Variants in ADA observed in about 807,000 individuals in gnomAD.
The protein encoded by ADA is adenosine aminohydrolase.
ADA carries 45 observed loss-of-function variants against 49.0 expected under a neutral mutation model. That is an observed-to-expected ratio of 0.92 (90% CI 0.72 to 1.18). The LOEUF (loss-of-function observed/expected upper bound fraction) is 1.18, where lower values mean the gene tolerates loss of function less well. Ranked by LOEUF, ADA falls within the 50% of genes most tolerant of loss-of-function variation. ADA has a pLI of 0.00. For missense variants in ADA, 445 were observed against 472.5 expected (o/e 0.94, Z 0.54); for synonymous variants, 173 against 184.2 (o/e 0.94, Z 0.49).
At chr20:44,647,705 A>G (rs1378171774) in intron 1 of ADA, among the ~76,000 whole-genome samples, 1 of 151,880 alleles carries the variant, frequency 6.6e-6, no homozygotes, top group Non-Finnish European at 1.5e-5. Flanking sequence ...ATCACCTGAG[A>G]TCAGGAGTTC....
chr20:44,646,203 T>C (rs2065590329), intron 1 of ADA, among the ~76,000 whole-genome samples: 1 of 152,202 alleles, frequency 6.6e-6, no homozygotes, highest in Non-Finnish European at 1.5e-5. Flanking sequence ...GGAAGCTGCC[T>C]GGCCTCCCCT....
rs748611869 is a variant in ADA, at chr20:44,629,157, G to A, written c.108C>T (p.Ile36=). ...CCTCTGCTGTGTTAGCTGGGAGGGC[G>A]ATCCCTCTCCTCCTGGAAACAAAAC... is the stretch of plus-strand genomic sequence containing the variant. ...TILYYGRRRG[I]ALPANTAEGL... Residue 36 remains isoleucine, a synonymous_variant, in exon 3 of 12, where the codon ATC becomes ATT. Transcript: ENST00000372874. 1.9e-6 allele frequency: 3 copies of A among 1,614,060 alleles called. No homozygotes were observed. The highest frequency in any genetic ancestry group is 2.2e-5 in the East Asian group (1 of 44,880).
rs1170608999 is a variant in ADA at position 44,620,302 on chromosome 20, C to T, written c.1075G>A (p.Ala359Thr). ...AGAAGCCCAGACAGGAACCTACCTGCAGAGGCTGAAGGTGGCATCCCATAG... is the reference window on the plus strand; with the variant it reads ...AGAAGCCCAGACAGGAACCTACCTGTAGAGGCTGAAGGTGGCATCCCATAG... ...KAYGMPPSAS[A>T]GQNL The change falls in exon 11 of 12, where the codon GCA (alanine) becomes ACA (threonine). Residue 359 changes from alanine (A) to threonine (T), a missense_variant. Coordinates refer to ENST00000372874, the MANE Select transcript of ADA (RefSeq NM_000022.4). 4.3e-6 allele frequency: 7 copies of T among 1,613,966 alleles called. No homozygotes were observed. Among genetic ancestry groups the T allele is most frequent in the South Asian group, 1.1e-5 (1 of 91,084 alleles).
Position 44,651,646 on chromosome 20 carries a change from C to CGCT in ADA, c.-42_-40dup. 1 of 1,499,592 alleles carries CGCT rather than the reference C, an allele frequency of 6.7e-7. No homozygotes were observed. The highest frequency in any genetic ancestry group is 2.3e-4 in the Middle Eastern group (1 of 4,284). 92.9% of individuals were successfully genotyped at this position (1,499,592 alleles called of 1,614,324 possible). A position where few individuals can be genotyped will look rare whatever the true frequency, so the allele number is the denominator to read the frequency against. On this transcript the variant is annotated 5_prime_UTR_variant, in exon 1 of 12. Coordinates refer to ENST00000372874, the MANE Select transcript of ADA (RefSeq NM_000022.4). ...GCCCCGGCGCTGCTCCCTCCGCCGCCGCTCGGTGGGTCTCTGCCGGCTCGG... is the reference window on the plus strand; with the variant it reads ...GCCCCGGCGCTGCTCCCTCCGCCGCCGCTGCTCGGTGGGTCTCTGCCGGCTCGG...
rs1313508972 is a variant in ADA at position 44,620,314 on chromosome 20, G to T, written c.1063C>A (p.Pro355Thr). ...DLLYKAYGMP[P>T]SASAGQNL is the part of the protein sequence containing the mutation. ...AGGAACCTACCTGCAGAGGCTGAAG[G>T]TGGCATCCCATAGGCTTTATAGAGC... is the stretch of plus-strand genomic sequence containing the variant. The change falls in exon 11 of 12, where the codon CCT becomes ACT. Residue 355 changes from proline to threonine, a missense_variant. By Grantham distance (38) the Pro-to-Thr change is conservative. Coordinates refer to ENST00000372874, the MANE Select transcript of ADA (RefSeq NM_000022.4). 1.2e-6 allele frequency: 2 copies of T among 1,614,034 alleles called. No homozygotes were observed. Among genetic ancestry groups the T allele is most frequent in the Non-Finnish European group, 8.5e-7 (1 of 1,180,014 alleles).
chr20:44,630,094 C>A (rs186532179), intron 2 of ADA, among the ~76,000 whole-genome samples: 89 of 151,948 alleles, frequency 5.9e-4, no homozygotes, highest in African/African-American at 2.0e-3. Flanking sequence ...GTAATCCCAG[C>A]ACTTTGGCCT....
At chr20:44,650,240 G>A (rs544781825) in intron 1 of ADA, among the ~76,000 whole-genome samples, 159 of 152,298 alleles carry the variant, frequency 1.0e-3, no homozygotes, top group Non-Finnish European at 1.7e-3. Flanking sequence ...AGCTTCTGAC[G>A]GGGAGTAGCT....
rs565850713 is a variant in ADA, at chr20:44,621,170, G to A, written c.846-23C>T. On this transcript the variant is annotated intron_variant, in intron 9 of 11. Transcript: ENST00000372874. The stretch of plus-strand genomic sequence containing the variant: ...AGCCTGCAGAAGAGGGAGGAGGAGA[G>A]AATCAGCCTCCTTTTACTCTTACAT... The A allele has an allele frequency of 1.1e-5, 17 of 1,611,550 alleles. No homozygotes were observed. The African/African-American group carries it at 2.0e-4, about 19-fold the overall frequency.
rs1474849197 is a variant in ADA at position 44,636,366 on chromosome 20, G to A, written c.34-78C>T. 5 of 1,229,260 alleles carry A rather than the reference G, an allele frequency of 4.1e-6. No individual in the cohort carries two copies. The East Asian group carries it at 1.0e-4, about 25-fold the overall frequency. 76.1% of individuals were successfully genotyped at this position (1,229,260 alleles called of 1,614,324 possible). A position where few individuals can be genotyped will look rare whatever the true frequency, so the allele number is the denominator to read the frequency against. On this transcript the variant is annotated intron_variant, in intron 1 of 11. Transcript: ENST00000372874. The stretch of plus-strand genomic sequence containing the variant: ...CTATGAGTTCACGAAGGACCTTTCA[G>A]AGCTTAATGTTAACATTAATCATGA...
At position 44,623,113 on chromosome 20, in the gene ADA, G is replaced by C. The variant is rs1245785816; in HGVS notation, c.607-35C>G. 1.9e-6 allele frequency: 3 copies of C among 1,612,906 alleles called. No homozygotes were observed. In the African/African-American group the frequency reaches 4.0e-5, roughly 22 times the overall value. On this transcript the variant is annotated intron_variant, in intron 6 of 11. Coordinates refer to ENST00000372874, the MANE Select transcript of ADA (RefSeq NM_000022.4). ...GGAGAGCCAGGTCATGGGTGCCCTA[G>C]CGGGAGGGCCCCGGCAGGCCCTGCC...
chr20:44,634,557 A>G (rs2299694), intron 2 of ADA, among the ~76,000 whole-genome samples: 12,583 of 152,270 alleles, frequency 0.083, 765 homozygotes, highest in East Asian at 0.3. Flanking sequence ...TAGAGTTCCT[A>G]TCTTACAAAT....
intron 4 of ADA, among the ~76,000 whole-genome samples, chr20:44,625,960 G>C (rs1329730696): frequency 6.6e-6 from 1 of 152,212 alleles, no homozygotes; most frequent in Non-Finnish European, 1.5e-5. Flanking sequence ...CTAAGCTTGG[G>C]CCTGCCATGA....
chr20:44,627,330 T>C (rs1364353429), intron 3 of ADA, among the ~76,000 whole-genome samples: 1 of 152,040 alleles, frequency 6.6e-6, no homozygotes, highest in Non-Finnish European at 1.5e-5. Context: ...TACAGGCGCA[T>C]GCCACCACGC....
chr20:44,642,797 T>C (rs2065549421), intron 1 of ADA, among the ~76,000 whole-genome samples: 1 of 152,132 alleles, frequency 6.6e-6, no homozygotes, highest in Admixed American at 6.5e-5. Context: ...CGGGAAGTAC[T>C]CAAGGCAGCG....
At chr20:44,636,466 A>T (rs924982824) in intron 1 of ADA, among the ~76,000 whole-genome samples, 178 bp from the exon 2 acceptor site, 7 of 152,174 alleles carry the variant, frequency 4.6e-5, no homozygotes, top group Non-Finnish European at 8.8e-5. Flanking sequence ...GCACTATCTC[A>T]TTTAATCCGC....
In ADA at chr20:44,622,925, C is replaced by T. The variant is rs1047697626; in HGVS notation, c.684G>A (p.Val228=). The part of the protein sequence containing the change: ...VGSAEVVKEA[V]DILKTERLGH... ...CCAGCCGCTCTGTCTTGAGTATGTC[C>T]ACAGCCTGTAGAGAAGCAGAATAGA... The change falls in exon 8 of 12, where the codon GTG becomes GTA. Residue 228 remains valine, a synonymous_variant. Transcript: ENST00000372874. 11 of 1,614,106 alleles carry T rather than the reference C, an allele frequency of 6.8e-6. No individual in the cohort carries two copies. In the African/African-American group the frequency reaches 1.3e-4, roughly 20 times the overall value.
At chr20:44,636,124 G>T in intron 2 of ADA, 103 bp downstream of exon 2, 2 of 1,099,552 alleles carry the variant, frequency 1.8e-6, no homozygotes, top group Non-Finnish European at 2.7e-6. Flanking sequence ...CCCACAGGGA[G>T]ACAGGAAGGA....
At position 44,622,607 on chromosome 20, in the gene ADA, T is replaced by C; in HGVS notation, c.826A>G (p.Thr276Ala). The change falls in exon 9 of 12, where the codon ACG becomes GCG. Residue 276 changes from threonine to alanine, a missense_variant. Physicochemically the swap from Thr to Ala is moderately conservative, Grantham distance 58 (BLOSUM62 0). Transcript: ENST00000372874. ...SYLTGAWKPD[T>A]EHAVIRLKND... ...GCTCACCGAATGACTGCATGCTCCG[T>C]GTCCGGCTTCCAGGCACCAGTGAGG... 6.2e-7 allele frequency: 1 copy of C among 1,614,242 alleles called. No individual in the cohort carries two copies. The highest frequency in any genetic ancestry group is 8.5e-7 in the Non-Finnish European group (1 of 1,180,048).
At chr20:44,630,696 G>A (rs1274862015) in intron 2 of ADA, among the ~76,000 whole-genome samples, 1 of 152,162 alleles carries the variant, frequency 6.6e-6, no homozygotes, top group Non-Finnish European at 1.5e-5. Flanking sequence ...AAATCAGGAG[G>A]TCCAAGCATC....
Sources: allele counts gnomAD v4.1 joint callset (sites outside exome capture counted in the v4.1 genomes callset), GRCh38; gene constraint gnomAD v4.1.1; transcripts MANE v1.5; gene names NCBI Gene and HGNC (gene_info 2026-07-23, HGNC 2026-07-21).